MEF2A: variants seen among roughly 807,000 people sequenced by gnomAD.
MEF2A encodes the protein myocyte-specific enhancer factor 2A.
Under a neutral mutation model 55.8 loss-of-function variants are expected in MEF2A, and 28 were observed. That is an observed-to-expected ratio of 0.50 (90% confidence interval 0.37 to 0.69). The LOEUF (loss-of-function observed/expected upper bound fraction) is 0.69, where lower values mean the gene tolerates loss of function less well. Ranked by LOEUF, MEF2A falls within the 30% of genes least tolerant of loss-of-function variation. The probability of loss-of-function intolerance (pLI) is 0.00; values close to 1 mark genes in which losing one functional copy is unlikely to be tolerated. For missense variants in MEF2A, 528 were observed against 626.2 expected (o/e 0.84, Z 1.67); for synonymous variants, 239 against 227.1 (o/e 1.05, Z -0.47).
intron 8 of MEF2A, among the ~76,000 whole-genome samples, chr15:99,696,042 CAT>C (rs1322195660): frequency 6.6e-6 from 1 of 152,188 alleles, no homozygotes; most frequent in African/African-American, 2.4e-5. Flanking sequence ...AGGGACGTGA[CAT>C]AGTCCACTTT....
intron 10 of MEF2A, among the ~76,000 whole-genome samples, chr15:99,707,313 T>A (rs538631295): frequency 2.6e-5 from 4 of 152,242 alleles, no homozygotes; most frequent in South Asian, 2.1e-4. Flanking sequence ...GTGGCCGACG[T>A]TTGGCTGTGT....
In MEF2A at chr15:99,617,379, G is replaced by A. The variant is rs948294781; in HGVS notation, c.-142-15599G>A. Among the ~76,000 whole-genome samples, 7 of 151,796 alleles carry A rather than the reference G, an allele frequency of 4.6e-5. No homozygotes were observed. In the East Asian group the frequency reaches 1.4e-3, roughly 29 times the overall value. ...TGATTTTGGTCTTCTTGACACTTTA[G>A]ATATGTTATTAGTACAGTTTTTATG... On this transcript the variant is annotated intron_variant, in intron 2 of 11. Coordinates refer to ENST00000557942, the MANE Select transcript of MEF2A (RefSeq NM_001319206.4).
chr15:99,703,052 G>A (rs935398557), intron 8 of MEF2A, among the ~76,000 whole-genome samples: 1 of 152,170 alleles, frequency 6.6e-6, no homozygotes, highest in East Asian at 1.9e-4. Context: ...GCATGATGAG[G>A]AACCCCTTTT....
At chr15:99,597,474 C>T (rs1308355598) in intron 1 of MEF2A, among the ~76,000 whole-genome samples, 1 of 152,012 alleles carries the variant, frequency 6.6e-6, no homozygotes, top group African/African-American at 2.4e-5. Flanking sequence ...GTGCCCGAAA[C>T]TTCATTAGCA....
At chr15:99,708,250 G>T (rs191324823) in intron 10 of MEF2A, among the ~76,000 whole-genome samples, 54 of 152,300 alleles carry the variant, frequency 3.5e-4, no homozygotes, top group African/African-American at 1.3e-3. Flanking sequence ...GAATTGTTGT[G>T]ATTGTGAATT....
chr15:99,572,924 G>A lies in MEF2A; in HGVS notation c.-225+6820G>A, dbSNP rs147831106. 3.0e-3 allele frequency among the ~76,000 whole-genome samples: 455 copies of A among 152,300 alleles called. 3 individuals are homozygous for A. Among genetic ancestry groups the A allele is most frequent in the African/African-American group, 0.01 (426 of 41,556 alleles). ...CAAGGACCAGCTGGCTCTTTTGTGT[G>A]CTCAGTATCTACCAACCAACCTATT... On this transcript the variant is annotated intron_variant, in intron 1 of 11. Coordinates refer to ENST00000557942, the MANE Select transcript of MEF2A (RefSeq NM_001319206.4).
At chr15:99,634,312 A>G (rs2043401860) in intron 3 of MEF2A, among the ~76,000 whole-genome samples, 1 of 152,208 alleles carries the variant, frequency 6.6e-6, no homozygotes, top group African/African-American at 2.4e-5. Context: ...AGATTGTTCA[A>G]CAAAGACATA....
At chr15:99,691,020 T>C (rs1168369296) in intron 8 of MEF2A, among the ~76,000 whole-genome samples, 1 of 151,746 alleles carries the variant, frequency 6.6e-6, no homozygotes, top group African/African-American at 2.4e-5. Flanking sequence ...CCAAACACCC[T>C]GACCTGGATC....
At chr15:99,676,710 C>G (rs1269102326) in intron 7 of MEF2A, among the ~76,000 whole-genome samples, 1 of 151,976 alleles carries the variant, frequency 6.6e-6, no homozygotes, top group African/African-American at 2.4e-5. Context: ...GCTGGGACTA[C>G]AGGTGCCCGC....
At chr15:99,616,052 A>G (rs1041231139) in intron 2 of MEF2A, among the ~76,000 whole-genome samples, 1 of 152,162 alleles carries the variant, frequency 6.6e-6, no homozygotes, top group Non-Finnish European at 1.5e-5. Flanking sequence ...ACACAATTAG[A>G]TTTAGTGGTT....
intron 8 of MEF2A, among the ~76,000 whole-genome samples, chr15:99,691,364 G>A (rs2153722888): frequency 6.6e-6 from 1 of 152,138 alleles, no homozygotes; most frequent in African/African-American, 2.4e-5. Flanking sequence ...AATTAAACAT[G>A]CTTTTCTGTG....
chr15:99,591,584 T>C (rs965772861), intron 1 of MEF2A, among the ~76,000 whole-genome samples: 5 of 152,204 alleles, frequency 3.3e-5, no homozygotes, highest in Non-Finnish European at 7.3e-5. Flanking sequence ...TTGGACCTTT[T>C]TCTGGCCCTA....
chr15:99,603,137 G>A (rs1973891048), intron 2 of MEF2A, among the ~76,000 whole-genome samples: 1 of 152,040 alleles, frequency 6.6e-6, no homozygotes, highest in Admixed American at 6.5e-5. Context: ...TACAATGTTA[G>A]TAATGTTGTG....
chr15:99,679,906 G>A (rs1402346062), intron 7 of MEF2A, among the ~76,000 whole-genome samples: 2 of 152,170 alleles, frequency 1.3e-5, no homozygotes, highest in Non-Finnish European at 2.9e-5. Context: ...CCAAAATTCA[G>A]AGAGAAAATG....
intron 4 of MEF2A, among the ~76,000 whole-genome samples, chr15:99,650,369 G>C (rs141191598): frequency 6.6e-6 from 1 of 152,118 alleles, no homozygotes; most frequent in Non-Finnish European, 1.5e-5. Context: ...AATCATGTAC[G>C]ATCTATAGCA....
intron 1 of MEF2A, among the ~76,000 whole-genome samples, chr15:99,593,136 G>T (rs1969917228): frequency 6.6e-6 from 1 of 152,104 alleles, no homozygotes; most frequent in Non-Finnish European, 1.5e-5. Flanking sequence ...GAATCCCTCT[G>T]CAGATTTCAG....
chr15:99,582,597 GTATGTAAATGAATCCTTTACATTGC>G (rs1337417113), intron 1 of MEF2A, among the ~76,000 whole-genome samples: 3 of 151,940 alleles, frequency 2.0e-5, no homozygotes, highest in African/African-American at 7.3e-5. Context: ...TGAAAATGTG[GTATGTAAATGAATCCTTTACATTGC>G]TGTCTTACAA....
At chr15:99,634,195 A>G (rs189677127) in intron 3 of MEF2A, among the ~76,000 whole-genome samples, 2 of 152,194 alleles carry the variant, frequency 1.3e-5, no homozygotes, top group Admixed American at 6.5e-5. Context: ...GAATATAGAT[A>G]TAATTGGAGA....
chr15:99,668,520 T>A (rs1458078001), intron 4 of MEF2A, among the ~76,000 whole-genome samples: 1 of 152,252 alleles, frequency 6.6e-6, no homozygotes, highest in Non-Finnish European at 1.5e-5. Context: ...AAAATATCTT[T>A]GAAGTTTTAT....
Sources: gnomAD v4.1 joint callset for allele counts (sites outside exome capture counted in the v4.1 genomes callset) on GRCh38, gnomAD v4.1.1 for gene constraint, MANE v1.5 for transcripts, NCBI Gene and HGNC (gene_info 2026-07-23, HGNC 2026-07-21) for gene names.